KPNA5: variants seen among roughly 807,000 people sequenced by gnomAD.
KPNA5 encodes the protein importin subunit alpha-6.
KPNA5 carries 46 observed loss-of-function variants against 71.3 expected under a neutral mutation model. The ratio of observed to expected loss-of-function variants is 0.65; its 90% CI spans 0.51 to 0.83. The LOEUF is 0.83. Among genes scored for constraint, KPNA5 ranks in the 40% least tolerant of loss-of-function variants. The pLI is 0.00. For missense variants in KPNA5, 547 were observed against 628.3 expected (o/e 0.87, Z 1.38); for synonymous variants, 207 against 201.4 (o/e 1.03, Z -0.24).
rs1779592656 is a variant in KPNA5 at position 116,734,234 on chromosome 6, A to C, written c.*1911A>C. The C allele has an allele frequency of 6.6e-6, 1 of 151,748 alleles. No individual in the cohort carries two copies. Among genetic ancestry groups the C allele is most frequent in the Non-Finnish European group, 1.5e-5 (1 of 67,722 alleles). 9.4% of individuals were successfully genotyped at this position (151,748 alleles called of 1,614,324 possible). ...ATTCTACTCTTTCTAGTCAATTAAA[A>C]TTGATAATGCAGCATGATTCATAAA... On this transcript the variant is annotated 3_prime_UTR_variant, in exon 14 of 14. Coordinates refer to ENST00000368564, the MANE Select transcript of KPNA5 (RefSeq NM_001366306.2).
chr6:116,706,747 C>T (rs1778455339), intron 7 of KPNA5, among the ~76,000 whole-genome samples: 2 of 151,918 alleles, frequency 1.3e-5, no homozygotes. Flanking sequence ...TTCAGAGTTT[C>T]ATTATAAAAC....
At chr6:116,711,753 C>G (rs1205142577) in intron 7 of KPNA5, among the ~76,000 whole-genome samples, 2 of 152,024 alleles carry the variant, frequency 1.3e-5, no homozygotes, top group African/African-American at 4.8e-5. Flanking sequence ...TCCTGAGTAG[C>G]TGGGATTACC....
intron 9 of KPNA5, 55 bp downstream of exon 9, chr6:116,722,344 A>G (rs1351651928): frequency 2.2e-6 from 3 of 1,347,954 alleles, no homozygotes; most frequent in South Asian, 1.5e-5. Flanking sequence ...AAAATTAGCA[A>G]TTCAAGTAAT....
chr6:116,723,971 C>T (rs1260472343), intron 9 of KPNA5, among the ~76,000 whole-genome samples: 3 of 152,076 alleles, frequency 2.0e-5, no homozygotes, highest in South Asian at 2.1e-4. Flanking sequence ...ATAGCACTTA[C>T]GATATCCCCC....
In KPNA5 at chr6:116,738,098, C is replaced by A. The variant is rs985274669; in HGVS notation, c.*5775C>A. ...TCGTGACCTATGAAAATTGACAGAC[C>A]GTTAGCAAGACTAATAAAGAAGAAA... On this transcript the variant is annotated 3_prime_UTR_variant, in exon 14 of 14. Coordinates refer to ENST00000368564, the MANE Select transcript of KPNA5 (RefSeq NM_001366306.2). 2 of 151,454 alleles carry A rather than the reference C, an allele frequency of 1.3e-5. No individual in the cohort carries two copies. Among genetic ancestry groups the A allele is most frequent in the African/African-American group, 4.9e-5 (2 of 41,208 alleles). The allele number at this position is 151,454 out of a possible 1,614,324, so 9.4% of individuals were successfully genotyped here.
At chr6:116,717,052 C>T (rs1426371240) in intron 8 of KPNA5, among the ~76,000 whole-genome samples, 1 of 152,056 alleles carries the variant, frequency 6.6e-6, no homozygotes, top group Non-Finnish European at 1.5e-5. Flanking sequence ...GTAATTTTTA[C>T]TGCCTATTCA....
chr6:116,716,571 AG>A (rs1778896499), intron 8 of KPNA5, among the ~76,000 whole-genome samples: 1 of 152,236 alleles, frequency 6.6e-6, no homozygotes, highest in Non-Finnish European at 1.5e-5. Context: ...AATTGATTTC[AG>A]AAATCTTCTA....
chr6:116,681,715 A>C (rs1463188303), intron 1 of KPNA5, among the ~76,000 whole-genome samples: 1 of 152,094 alleles, frequency 6.6e-6, no homozygotes, highest in African/African-American at 2.4e-5. Flanking sequence ...CAGCTTATGG[A>C]AATTCCACAG....
chr6:116,686,266 T>G (rs1777584914), intron 1 of KPNA5, among the ~76,000 whole-genome samples: 1 of 152,102 alleles, frequency 6.6e-6, no homozygotes, highest in African/African-American at 2.4e-5. Flanking sequence ...GAGATGGTAT[T>G]TTATTCTGGT....
rs1184483891 is a variant in KPNA5, at chr6:116,722,299, A to C, written c.920+10A>C. The C allele has an allele frequency of 1.9e-6, 3 of 1,593,224 alleles. No homozygotes were observed. In the African/African-American group the frequency reaches 4.0e-5, roughly 21 times the overall value. Reference sequence around the variant, plus strand: ...TGGTGGAACTTTTGATGTAACTATAAATAATTTATGCTTAATAATTGTATG... The same window carrying C: ...TGGTGGAACTTTTGATGTAACTATACATAATTTATGCTTAATAATTGTATG... On this transcript the variant is annotated intron_variant, in intron 9 of 13. Transcript: ENST00000368564.
At chr6:116,692,718 T>A (rs981961366) in intron 4 of KPNA5, among the ~76,000 whole-genome samples, 8 of 152,288 alleles carry the variant, frequency 5.3e-5, no homozygotes, top group Admixed American at 3.3e-4. Context: ...TTTTTATTTT[T>A]ATTTGTATTT....
chr6:116,689,304 T>A lies in KPNA5; in HGVS notation c.5-16T>A, dbSNP rs186964822. The stretch of plus-strand genomic sequence containing the variant: ...GTGAGTTATCAGTGTCTGTTTTCTT[T>A]TCTCCTTCCTTTAAGATGCCATGGC... On this transcript the variant is annotated splice_polypyrimidine_tract_variant and intron_variant, in intron 1 of 13. Coordinates refer to ENST00000368564, the MANE Select transcript of KPNA5 (RefSeq NM_001366306.2). 2.2e-3 allele frequency: 3,523 copies of A among 1,596,048 alleles called. 8 individuals are homozygous for A. Among genetic ancestry groups the A allele is most frequent in the Admixed American group, 3.0e-3 (164 of 54,126 alleles).
At chr6:116,696,624 A>G (rs1444882912) in intron 4 of KPNA5, among the ~76,000 whole-genome samples, 6 of 151,916 alleles carry the variant, frequency 3.9e-5, no homozygotes, top group Admixed American at 3.9e-4. Context: ...CCTTTTCTTC[A>G]ATCCCAGTTT....
At chr6:116,685,894 AT>A (rs1374867865) in intron 1 of KPNA5, among the ~76,000 whole-genome samples, 1 of 151,992 alleles carries the variant, frequency 6.6e-6, no homozygotes, top group African/African-American at 2.4e-5. Context: ...ACTAATTTAC[AT>A]TTGTTTTTTG....
chr6:116,689,620 A>G (rs1238372187), intron 2 of KPNA5, among the ~76,000 whole-genome samples, 167 bp downstream of exon 2: 1 of 152,186 alleles, frequency 6.6e-6, no homozygotes, highest in Non-Finnish European at 1.5e-5. Flanking sequence ...ACTCTGTGCT[A>G]CTTTAGTCAC....
chr6:116,690,430 G>A (rs575166481), intron 2 of KPNA5, among the ~76,000 whole-genome samples: 29 of 152,108 alleles, frequency 1.9e-4, no homozygotes, highest in South Asian at 6.2e-4. Flanking sequence ...TGAGGCGGGC[G>A]GATCACGAGG....
At chr6:116,709,707 T>C (rs907675041) in intron 7 of KPNA5, among the ~76,000 whole-genome samples, 1 of 152,172 alleles carries the variant, frequency 6.6e-6, no homozygotes, top group African/African-American at 2.4e-5. Flanking sequence ...ACCATTCAGT[T>C]TGATGTTAGC....
At chr6:116,715,540 A>G (rs1178951464) in intron 7 of KPNA5, among the ~76,000 whole-genome samples, 1 of 152,156 alleles carries the variant, frequency 6.6e-6, no homozygotes, top group Non-Finnish European at 1.5e-5. Context: ...CAACAAAAGA[A>G]CTTCTCTTGT....
At chr6:116,702,200 T>C (rs199994444) in intron 6 of KPNA5, 50 bp downstream of exon 6, 7 of 1,561,012 alleles carry the variant, frequency 4.5e-6, no homozygotes, top group Non-Finnish European at 3.5e-6. Context: ...AGTTTTCTCT[T>C]GAAAGTACCA....
Sources: gnomAD v4.1 joint callset for allele counts (sites outside exome capture counted in the v4.1 genomes callset) on GRCh38, gnomAD v4.1.1 for gene constraint, MANE v1.5 for transcripts, NCBI Gene and HGNC (gene_info 2026-07-23, HGNC 2026-07-21) for gene names.